Variants in GABRA2 observed in about 807,000 individuals in gnomAD.
The protein encoded by GABRA2 is gamma-aminobutyric acid receptor subunit alpha-2.
In GABRA2, 16 loss-of-function variants were observed where a neutral mutation model predicts 48.7. That is an observed-to-expected ratio of 0.33 (90% CI 0.22 to 0.50). GABRA2 has a LOEUF of 0.50. Among genes scored for constraint, GABRA2 ranks in the 20% least tolerant of loss-of-function variants. The pLI is 0.98. For synonymous variants in GABRA2, 185 were observed against 184.5 expected (o/e 1.00, Z -0.02); for missense variants, 275 against 535.6 (o/e 0.51, Z 4.80).
At position 46,264,986 on chromosome 4, in the gene GABRA2, C is replaced by T. The variant is rs540876; in HGVS notation, c.857-2858G>A. 4.8e-4 allele frequency among the ~76,000 whole-genome samples: 52 copies of T among 107,486 alleles called. 3 individuals carry two copies. The highest frequency in any genetic ancestry group is 6.8e-4 in the Non-Finnish European group (34 of 49,924). 70.5% of individuals were successfully genotyped at this position (107,486 alleles called of 152,430 possible). A position where few individuals can be genotyped will look rare whatever the true frequency, so the allele number is the denominator to read the frequency against. On this transcript the variant is annotated intron_variant, in intron 8 of 9. Coordinates refer to ENST00000381620, the MANE Select transcript of GABRA2 (RefSeq NM_000807.4). ...CAATTGTTCCCAGAATTACTTTATA[C>T]ATATATATATATATATGTATAAAGA...
intron 4 of GABRA2, among the ~76,000 whole-genome samples, chr4:46,318,787 C>A (rs973056509): frequency 6.6e-6 from 1 of 151,432 alleles, no homozygotes; most frequent in African/African-American, 2.4e-5. Flanking sequence ...AAGAAACAAA[C>A]AAAAAACCGC....
chr4:46,372,214 A>C (rs924211011), intron 3 of GABRA2, among the ~76,000 whole-genome samples: 4 of 152,190 alleles, frequency 2.6e-5, no homozygotes, highest in African/African-American at 9.7e-5. Context: ...CCTTTCTAAT[A>C]AATCCAATTT....
intron 8 of GABRA2, among the ~76,000 whole-genome samples, chr4:46,287,547 C>T (rs1722792828): frequency 6.9e-6 from 1 of 144,786 alleles, no homozygotes; most frequent in African/African-American, 2.6e-5. Context: ...CCAAACACCG[C>T]ATATTCTCAC....
intron 4 of GABRA2, among the ~76,000 whole-genome samples, chr4:46,317,375 G>A (rs368342924): frequency 2.2e-4 from 33 of 151,710 alleles, no homozygotes; most frequent in African/African-American, 7.0e-4. Context: ...TTAGAATCTC[G>A]ATTTTTATAT....
chr4:46,259,681 AT>A (rs1228667621), intron 9 of GABRA2, among the ~76,000 whole-genome samples: 1 of 151,850 alleles, frequency 6.6e-6, no homozygotes, highest in African/African-American at 2.4e-5. Context: ...TGCTCGTTGG[AT>A]TGACAGATAA....
chr4:46,244,850 G>C lies in GABRA2; in HGVS notation c.*5458C>G, dbSNP rs1158668605. 6.6e-6 allele frequency among the ~76,000 whole-genome samples: 1 copy of C among 151,224 alleles called. No individual in the cohort carries two copies. Among genetic ancestry groups the C allele is most frequent in the African/African-American group, 2.4e-5 (1 of 41,334 alleles). ...AGTAAATAGCTAGCATCACAAAAACGGGTATTGCTTACTGTACAGTACAGT... is the reference window on the plus strand; with the variant it reads ...AGTAAATAGCTAGCATCACAAAAACCGGTATTGCTTACTGTACAGTACAGT... On this transcript the variant is annotated 3_prime_UTR_variant, in exon 10 of 10. Transcript: ENST00000381620.
chr4:46,280,720 T>A (rs551810498), intron 8 of GABRA2, among the ~76,000 whole-genome samples: 1 of 152,166 alleles, frequency 6.6e-6, no homozygotes, highest in South Asian at 2.1e-4. Flanking sequence ...TAACTCCTCA[T>A]GTGGCTATTT....
At chr4:46,270,684 CCTAA>C (rs1719148352) in intron 8 of GABRA2, among the ~76,000 whole-genome samples, 4 of 151,890 alleles carry the variant, frequency 2.6e-5, no homozygotes, top group Admixed American at 2.0e-4. Flanking sequence ...ACAGACAATA[CCTAA>C]CTTACAGCAC....
At chr4:46,314,733 G>T (rs1041327876) in intron 4 of GABRA2, among the ~76,000 whole-genome samples, 2 of 152,018 alleles carry the variant, frequency 1.3e-5, no homozygotes, top group Non-Finnish European at 2.9e-5. Flanking sequence ...GTGAGAACAT[G>T]CATTATTTGA....
intron 5 of GABRA2, 92 bp downstream of exon 5, chr4:46,312,404 T>G: frequency 1.3e-6 from 1 of 793,880 alleles, no homozygotes; most frequent in Non-Finnish European, 2.1e-6. Flanking sequence ...AACACTCAAC[T>G]TTGTTAATAC....
intron 4 of GABRA2, among the ~76,000 whole-genome samples, chr4:46,323,824 A>G (rs1032008182): frequency 6.6e-6 from 1 of 151,968 alleles, no homozygotes; most frequent in Non-Finnish European, 1.5e-5. Flanking sequence ...AATCAGAAAA[A>G]AAAAATTAAA....
chr4:46,321,292 A>C (rs1181143132), intron 4 of GABRA2, among the ~76,000 whole-genome samples: 2 of 151,942 alleles, frequency 1.3e-5, no homozygotes, highest in Non-Finnish European at 2.9e-5. Flanking sequence ...TTAGATACAT[A>C]GGATGAATGT....
At chr4:46,310,081 T>A in intron 6 of GABRA2, 92 bp downstream of exon 6, 1 of 855,340 alleles carries the variant, frequency 1.2e-6, no homozygotes, top group Non-Finnish European at 1.9e-6. Context: ...AATCATCTCA[T>A]AATTTGAGAA....
intron 3 of GABRA2, among the ~76,000 whole-genome samples, chr4:46,361,367 T>C (rs1282449875): frequency 6.6e-6 from 1 of 152,166 alleles, no homozygotes; most frequent in African/African-American, 2.4e-5. Context: ...GCTCAGGCTG[T>C]TGCTTCAGAG....
At chr4:46,377,957 G>A (rs1477606671) in intron 3 of GABRA2, among the ~76,000 whole-genome samples, 29 of 151,238 alleles carry the variant, frequency 1.9e-4, no homozygotes, top group African/African-American at 4.9e-4. Flanking sequence ...CCCTCTGCCC[G>A]GCCAGCCGCC....
rs1231309342 is a variant in GABRA2, at chr4:46,245,654, T to C, written c.*4654A>G. Among the ~76,000 whole-genome samples the C allele has an allele frequency of 6.6e-6, 1 of 151,226 alleles. No individual in the cohort carries two copies. The highest frequency in any genetic ancestry group is 1.5e-5 in the Non-Finnish European group (1 of 67,420). On this transcript the variant is annotated 3_prime_UTR_variant, in exon 10 of 10. Coordinates refer to ENST00000381620, the MANE Select transcript of GABRA2 (RefSeq NM_000807.4). ...ATTGTTTAGATATCATAAATTTATC[T>C]GAATTTCTCAAAACATTATTCCATA...
At chr4:46,284,002 G>T (rs1016704853) in intron 8 of GABRA2, among the ~76,000 whole-genome samples, 2 of 149,104 alleles carry the variant, frequency 1.3e-5, no homozygotes, top group Admixed American at 6.7e-5. Context: ...CTTGTGATCT[G>T]CCCACCTCAG....
At chr4:46,349,264 G>A (rs1333822083) in intron 3 of GABRA2, among the ~76,000 whole-genome samples, 1 of 151,950 alleles carries the variant, frequency 6.6e-6, no homozygotes, top group East Asian at 1.9e-4. Context: ...ATATCTCTAA[G>A]GAATGCCTGT....
chr4:46,263,611 T>C (rs1446649296), intron 8 of GABRA2, among the ~76,000 whole-genome samples: 1 of 152,274 alleles, frequency 6.6e-6, no homozygotes, highest in South Asian at 2.1e-4. Context: ...AGTCAAGTTT[T>C]ACACTGTTTT....
Sources: allele counts gnomAD v4.1 joint callset (sites outside exome capture counted in the v4.1 genomes callset), GRCh38; gene constraint gnomAD v4.1.1; transcripts MANE v1.5; gene names NCBI Gene and HGNC (gene_info 2026-07-23, HGNC 2026-07-21).